The following ERMP1 variants were observed in gnomAD, a reference collection of about 807,000 sequenced individuals.
ERMP1 encodes the protein Felix-ina.
ERMP1 carries 86 observed loss-of-function variants against 92.0 expected under a neutral mutation model. The ratio of observed to expected loss-of-function variants is 0.93; its 90% CI spans 0.79 to 1.12. The LOEUF (loss-of-function observed/expected upper bound fraction) is 1.12, where lower values mean the gene tolerates loss of function less well. Among genes scored for constraint, ERMP1 ranks in the 50% most tolerant of loss-of-function variants. The pLI is 0.00. For missense variants in ERMP1, 1,342 were observed against 1,116.3 expected, an observed-to-expected ratio of 1.20 and a Z score of -2.88; for synonymous variants, 530 against 412.8, an observed-to-expected ratio of 1.28 and a Z score of -3.44.
chr9:5,846,695 T>C (rs1416610278), intron 6 of ERMP1, among the ~76,000 whole-genome samples: 1 of 152,206 alleles, frequency 6.6e-6, no homozygotes, highest in Non-Finnish European at 1.5e-5. Flanking sequence ...TCAAAGCCTT[T>C]GCAACTGGTC....
At chr9:5,804,906 T>C in intron 10 of ERMP1, 121 bp downstream of exon 10, 1 of 735,608 alleles carries the variant, frequency 1.4e-6, no homozygotes, top group South Asian at 2.1e-5. Flanking sequence ...TCATTCACCA[T>C]TTCTTCTGCT....
intron 4 of ERMP1, among the ~76,000 whole-genome samples, chr9:5,816,550 G>A (rs1266127629): frequency 6.6e-6 from 1 of 152,070 alleles, no homozygotes; most frequent in Non-Finnish European, 1.5e-5. Flanking sequence ...ATCTAAAGTT[G>A]GTATTACCTA....
chr9:5,826,535 T>C (rs543666457), intron 2 of ERMP1, among the ~76,000 whole-genome samples: 8 of 152,314 alleles, frequency 5.3e-5, no homozygotes, highest in African/African-American at 1.9e-4. Context: ...TGTAGCTAGC[T>C]AAAATTAAAA....
At position 5,810,004 on chromosome 9, in the gene ERMP1, C is replaced by T. The variant is rs200365514; in HGVS notation, c.1548+7G>A. ...GAAAGAAATCAACAAATATACCAAA[C>T]ACTTACCATGTAATAAAATCTTTTC... On this transcript the variant is annotated splice_region_variant and intron_variant, in intron 8 of 14. Coordinates refer to ENST00000339450, the MANE Select transcript of ERMP1 (RefSeq NM_024896.3). The T allele has an allele frequency of 4.2e-4, 650 of 1,560,114 alleles. No homozygotes were observed. The highest frequency in any genetic ancestry group is 5.1e-4 in the Non-Finnish European group (575 of 1,132,812).
chr9:5,791,325 A>T, intron 13 of ERMP1: 1 of 455,942 alleles, frequency 2.2e-6, no homozygotes, highest in East Asian at 6.9e-5. Context: ...GCAGTCTGCT[A>T]GCAGAATTCC....
intron 5 of ERMP1, among the ~76,000 whole-genome samples, chr9:5,865,406 G>T (rs993044393): frequency 4.6e-5 from 7 of 152,062 alleles, no homozygotes; most frequent in Admixed American, 2.6e-4. Context: ...TACTTGGGAG[G>T]CTGAGGCAGG....
Position 5,801,322 on chromosome 9 carries a change from A to T in ERMP1, c.1921T>A (p.Phe641Ile). The T allele has an allele frequency of 3.1e-6, 5 of 1,610,160 alleles. No homozygotes were observed. Among genetic ancestry groups the T allele is most frequent in the Non-Finnish European group, 4.2e-6 (5 of 1,178,650 alleles). The stretch of plus-strand genomic sequence containing the variant: ...TTTGTGCTCTTGGCAAGGTAGATGA[A>T]GTTAATCTGAAACACAAACCACAAA... ...TMILSSYFINFIYLAKSTKKT... is the reference protein window; with the variant it reads ...TMILSSYFINIIYLAKSTKKT... The change falls in exon 11 of 15, where the codon TTC (phenylalanine) becomes ATC (isoleucine). Residue 641 changes from phenylalanine to isoleucine, a missense_variant. Coordinates refer to ENST00000339450, the MANE Select transcript of ERMP1 (RefSeq NM_024896.3).
intron 13 of ERMP1, among the ~76,000 whole-genome samples, chr9:5,794,002 G>A (rs760996179): frequency 4.1e-4 from 63 of 152,046 alleles, no homozygotes; most frequent in Admixed American, 7.2e-4. Flanking sequence ...CAAGCATACT[G>A]CTTGAAATGG....
intron 6 of ERMP1, among the ~76,000 whole-genome samples, chr9:5,850,988 G>T (rs1468015636): frequency 6.6e-6 from 1 of 152,190 alleles, no homozygotes; most frequent in East Asian, 1.9e-4. Context: ...CCCCCATCCA[G>T]GAACTGCCCA....
At chr9:5,819,153 G>A (rs1215391864) in intron 4 of ERMP1, among the ~76,000 whole-genome samples, 1 of 152,098 alleles carries the variant, frequency 6.6e-6, no homozygotes, top group African/African-American at 2.4e-5. Context: ...AAGTCTAAAA[G>A]TGGAAACAAT....
intron 1 of ERMP1, 27 bp from the exon 2 acceptor site, chr9:5,831,055 G>A (rs565964692): frequency 6.3e-7 from 1 of 1,581,216 alleles, no homozygotes; most frequent in Non-Finnish European, 8.6e-7. Flanking sequence ...GAATAACAAA[G>A]GTTTGTAGTT....
chr9:5,829,219 C>CAAAA (rs546458492), intron 2 of ERMP1, among the ~76,000 whole-genome samples: 2 of 56,402 alleles, frequency 3.5e-5, no homozygotes, highest in Admixed American at 1.6e-4. Flanking sequence ...GCCCCCCAGC[C>CAAAA]AAAAAAAAAA....
chr9:5,858,108 G>T (rs910319519), intron 6 of ERMP1, among the ~76,000 whole-genome samples: 1 of 152,166 alleles, frequency 6.6e-6, no homozygotes, highest in Non-Finnish European at 1.5e-5. Context: ...TCTCATAGGA[G>T]CATTCACTCA....
intron 13 of ERMP1, among the ~76,000 whole-genome samples, chr9:5,796,520 T>A (rs1828431165): frequency 6.6e-6 from 1 of 152,178 alleles, no homozygotes; most frequent in Admixed American, 6.5e-5. Context: ...CTGCTGTACA[T>A]CTACACAACG....
intron 6 of ERMP1, among the ~76,000 whole-genome samples, chr9:5,858,732 G>A (rs1830417164): frequency 6.6e-6 from 1 of 152,182 alleles, no homozygotes; most frequent in African/African-American, 2.4e-5. Context: ...TTTCCTTCAT[G>A]GTGGTTCTGA....
At chr9:5,798,172 C>T (rs1828520702) in intron 12 of ERMP1, among the ~76,000 whole-genome samples, 1 of 152,140 alleles carries the variant, frequency 6.6e-6, no homozygotes, top group Non-Finnish European at 1.5e-5. Flanking sequence ...TTCTTCTCAT[C>T]CAGTCCTTCA....
chr9:5,850,384 G>A (rs537304841), intron 6 of ERMP1, among the ~76,000 whole-genome samples: 21 of 101,170 alleles, frequency 2.1e-4, no homozygotes, highest in Non-Finnish European at 3.2e-4. Context: ...CAGCCTGGGC[G>A]ACGAGAATGA....
At chr9:5,832,632 G>A in intron 1 of ERMP1, 58 bp downstream of exon 1, 2 of 1,291,688 alleles carry the variant, frequency 1.5e-6, no homozygotes, top group Non-Finnish European at 2.0e-6. Flanking sequence ...GTGCCCCGGA[G>A]CCTGCGCAGG....
At chr9:5,866,952 T>A (rs1830686441) in intron 5 of ERMP1, among the ~76,000 whole-genome samples, 2 of 152,278 alleles carry the variant, frequency 1.3e-5, no homozygotes, top group African/African-American at 4.8e-5. Context: ...ATGCCTATAA[T>A]CCCAGCACTT....
Sources: gnomAD v4.1 joint callset for allele counts (sites outside exome capture counted in the v4.1 genomes callset) on GRCh38, gnomAD v4.1.1 for gene constraint, MANE v1.5 for transcripts, NCBI Gene and HGNC (gene_info 2026-07-23, HGNC 2026-07-21) for gene names.